CCN6: variants seen among roughly 807,000 people sequenced by gnomAD.
The protein encoded by CCN6 is cellular communication network factor 6.
CCN6 carries 31 observed loss-of-function variants against 37.4 expected under a neutral mutation model. That is an observed-to-expected ratio of 0.83 (90% confidence interval 0.62 to 1.12). The LOEUF is 1.12. Among genes scored for constraint, CCN6 ranks in the 50% most tolerant of loss-of-function variants. CCN6 has a pLI of 0.00. For missense variants in CCN6, 369 were observed against 413.8 expected (o/e 0.89, Z 0.94); for synonymous variants, 137 against 142.1 (o/e 0.96, Z 0.26).
chr6:112,067,549 T>C (rs1484120393), intron 3 of CCN6, among the ~76,000 whole-genome samples: 1 of 152,140 alleles, frequency 6.6e-6, no homozygotes, highest in Non-Finnish European at 1.5e-5. Flanking sequence ...ATTCGAAATC[T>C]TAGCCAATTG....
Position 112,069,368 on chromosome 6 carries a change from T to C in CCN6, c.813T>C (p.Thr271=), listed in dbSNP as rs1554314696. 6.2e-7 allele frequency: 1 copy of C among 1,613,576 alleles called. No homozygotes were observed. The highest frequency in any genetic ancestry group is 8.5e-7 in the Non-Finnish European group (1 of 1,179,846). Residue 271 remains threonine, a synonymous_variant, in exon 5 of 5, where the codon ACT becomes ACC. Transcript: ENST00000368666. The part of the protein sequence containing the change: ...KIPKGKTCQP[T]FQLSKAEKFV... ...CCAAAGGAAAAACATGCCAACCTAC[T>C]TTCCAACTCTCCAAAGCTGAAAAAT...
At position 112,055,311 on chromosome 6, in the gene CCN6, T is replaced by G. The variant is rs587765337; in HGVS notation, c.48+906T>G. The stretch of plus-strand genomic sequence containing the variant: ...CTGTGGAGGGGCTCACTCCCCTGTC[T>G]GTGTGCCTCCTATTCCACTGTTCTT... On this transcript the variant is annotated intron_variant, in intron 1 of 4. Transcript: ENST00000368666. 2.2e-4 allele frequency among the ~76,000 whole-genome samples: 33 copies of G among 152,358 alleles called. No individual in the cohort carries two copies. In the South Asian group the frequency reaches 6.6e-3, roughly 31 times the overall value.
chr6:112,063,118 T>C (rs1776575711), intron 2 of CCN6, among the ~76,000 whole-genome samples: 2 of 152,326 alleles, frequency 1.3e-5, no homozygotes, highest in Admixed American at 6.5e-5. Flanking sequence ...CAATAGAAGA[T>C]AGCTAGAGTC....
chr6:112,064,865 A>G lies in CCN6; in HGVS notation c.457A>G (p.Thr153Ala). ...CTGTGTGAGTGGGGCCATTGGATGC[A>G]CACCTCTGTTCATACCAAAGCTGGC... The part of the protein sequence containing the change: ...CLCVSGAIGC[T>A]PLFIPKLAGS... The change falls in exon 3 of 5, where the codon ACA becomes GCA. Residue 153 changes from threonine (T) to alanine (A), a missense_variant. By Grantham distance (58) the Thr-to-Ala change is moderately conservative. Transcript: ENST00000368666. The G allele has an allele frequency of 2.5e-6, 4 of 1,614,106 alleles. No homozygotes were observed. The highest frequency in any genetic ancestry group is 3.4e-6 in the Non-Finnish European group (4 of 1,179,966).
chr6:112,057,657 C>T (rs76493613), intron 1 of CCN6, among the ~76,000 whole-genome samples: 3,824 of 152,180 alleles, frequency 0.025, 156 homozygotes, highest in African/African-American at 0.082. Context: ...AGTTATCTCA[C>T]GGGTCCAGGG....
chr6:112,054,489 A>C, intron 1 of CCN6, 84 bp downstream of exon 1: 1 of 1,306,546 alleles, frequency 7.7e-7, no homozygotes, highest in Non-Finnish European at 1.1e-6. Flanking sequence ...CAAAACGAAG[A>C]TGGAGGAAGA....
At chr6:112,060,570 A>G (rs182632400) in intron 1 of CCN6, among the ~76,000 whole-genome samples, 1 of 152,288 alleles carries the variant, frequency 6.6e-6, no homozygotes, top group East Asian at 1.9e-4. Context: ...TAAATTTGCT[A>G]TACCTATTAA....
upstream of CCN6, among the ~76,000 whole-genome samples, chr6:112,053,407 C>T (rs1776260106): frequency 6.6e-6 from 1 of 151,562 alleles, no homozygotes; most frequent in South Asian, 2.1e-4. Flanking sequence ...AGCGATTCTC[C>T]TGCCTCAGCC....
At chr6:112,056,618 C>A (rs1293359806) in intron 1 of CCN6, among the ~76,000 whole-genome samples, 1 of 152,136 alleles carries the variant, frequency 6.6e-6, no homozygotes, top group Non-Finnish European at 1.5e-5. Context: ...TGGGTTCAAG[C>A]GATTCTCCTG....
At chr6:112,056,959 T>C (rs587729286) in intron 1 of CCN6, among the ~76,000 whole-genome samples, 1 of 152,300 alleles carries the variant, frequency 6.6e-6, no homozygotes, top group Admixed American at 6.5e-5. Context: ...TTCATGTAAT[T>C]CAGTATGTAA....
intron 1 of CCN6, chr6:112,060,147 C>T: frequency 7.5e-7 from 1 of 1,328,634 alleles, no homozygotes; most frequent in Non-Finnish European, 1.0e-6. Context: ...GATGCAGGGC[C>T]ATGGTGGCAC....
rs781995024 is a variant in CCN6 at position 112,061,268 on chromosome 6, A to C, written c.326A>C (p.Tyr109Ser). 19 of 1,614,234 alleles carry C rather than the reference A, an allele frequency of 1.2e-5. No homozygotes were observed. The highest frequency in any genetic ancestry group is 1.5e-5 in the Non-Finnish European group (18 of 1,180,022). ...GACTACTCAGTAGACAGGCCTAGGT[A>C]CGAGACTGGAGTGTGTGCATGTAAG... ...YCDYSVDRPR[Y>S]ETGVCAYLVA... The change falls in exon 2 of 5, where the codon TAC (tyrosine) becomes TCC (serine). Residue 109 changes from tyrosine to serine, a missense_variant. Tyr to Ser is a moderately radical substitution (Grantham distance 144). Coordinates refer to ENST00000368666, the MANE Select transcript of CCN6 (RefSeq NM_198239.2).
At chr6:112,067,132 T>G in intron 3 of CCN6, 1 of 909,168 alleles carries the variant, frequency 1.1e-6, no homozygotes, top group Admixed American at 3.0e-5. Flanking sequence ...TCAATTAAAA[T>G]AGAGCACATA....
intron 2 of CCN6, among the ~76,000 whole-genome samples, chr6:112,062,782 C>T (rs587597161): frequency 6.6e-6 from 1 of 152,312 alleles, no homozygotes; most frequent in Non-Finnish European, 1.5e-5. Context: ...TTCTAGTTGG[C>T]TCTTTTCAGA....
intron 4 of CCN6, among the ~76,000 whole-genome samples, chr6:112,068,790 A>C (rs1554314590): frequency 6.6e-6 from 1 of 151,376 alleles, no homozygotes; most frequent in African/African-American, 2.5e-5. Flanking sequence ...CACTATGATA[A>C]AATATTTACC....
intron 1 of CCN6, among the ~76,000 whole-genome samples, chr6:112,058,170 C>T (rs111233236): frequency 6.6e-6 from 1 of 152,282 alleles, no homozygotes; most frequent in Admixed American, 6.5e-5. Flanking sequence ...TCCAGAAGCC[C>T]AGCAGTGTCC....
rs190090197 is a variant in CCN6, at chr6:112,068,198, G to A, written c.590-7G>A. On this transcript the variant is annotated splice_region_variant and splice_polypyrimidine_tract_variant and intron_variant, in intron 3 of 4. Coordinates refer to ENST00000368666, the MANE Select transcript of CCN6 (RefSeq NM_198239.2). ...TATACATATGTACTTTTCTCCCTTT[G>A]TTTTAGCTTATAGAAATCTCCCACT... is the stretch of plus-strand genomic sequence containing the variant. The A allele has an allele frequency of 2.5e-6, 4 of 1,606,616 alleles. No homozygotes were observed. The highest frequency in any genetic ancestry group is 3.4e-6 in the Non-Finnish European group (4 of 1,177,038).
chr6:112,065,064 A>G, intron 3 of CCN6, 67 bp downstream of exon 3: 1 of 1,607,018 alleles, frequency 6.2e-7, no homozygotes, highest in Non-Finnish European at 8.5e-7. Flanking sequence ...CCTTTTACGT[A>G]TCATAGGTAC....
chr6:112,061,688 C>G (rs1348349965), intron 2 of CCN6, among the ~76,000 whole-genome samples: 1 of 151,960 alleles, frequency 6.6e-6, no homozygotes, highest in East Asian at 1.9e-4. Context: ...GAATGTATAC[C>G]CAGTATTCAG....
Sources: allele counts gnomAD v4.1 joint callset (sites outside exome capture counted in the v4.1 genomes callset), GRCh38; gene constraint gnomAD v4.1.1; transcripts MANE v1.5; gene names NCBI Gene and HGNC (gene_info 2026-07-23, HGNC 2026-07-21).